GMPS: variants seen among roughly 807,000 people sequenced by gnomAD.
The protein encoded by GMPS is GMP synthase [glutamine-hydrolyzing].
Under a neutral mutation model 77.9 loss-of-function variants are expected in GMPS, and 15 were observed. That is an observed-to-expected ratio of 0.19 (90% CI 0.13 to 0.30). GMPS has a LOEUF of 0.30. Ranked by LOEUF, GMPS falls within the 10% of genes least tolerant of loss-of-function variation. The pLI is 1.00. For synonymous variants in GMPS, 224 were observed against 275.9 expected (o/e 0.81, Z 1.86); for missense variants, 590 against 838.8 (o/e 0.70, Z 3.66).
chr3:155,874,930 CAG>C (rs1169600056), intron 1 of GMPS, among the ~76,000 whole-genome samples: 1 of 104,802 alleles, frequency 9.5e-6, no homozygotes, highest in African/African-American at 3.7e-5. Flanking sequence ...TTTTTTGAGA[CAG>C]AGTCTGGCTC....
rs777386196 is a variant in GMPS, at chr3:155,938,756, T to C, written c.*1064T>C. On this transcript the variant is annotated 3_prime_UTR_variant, in exon 16 of 16. Coordinates refer to ENST00000496455, the MANE Select transcript of GMPS (RefSeq NM_003875.3). The stretch of plus-strand genomic sequence containing the variant: ...TACATGCAAGATGTTTGCCAAACTT[T>C]GTAATCCTTTCTACTAGCTATAAGA... 4.8e-6 allele frequency: 1 copy of C among 208,194 alleles called. No homozygotes were observed. Among genetic ancestry groups the C allele is most frequent in the Non-Finnish European group, 9.8e-6 (1 of 102,080 alleles). 12.9% of individuals were successfully genotyped at this position (208,194 alleles called of 1,614,324 possible).
chr3:155,889,799 T>C (rs1038195454), intron 1 of GMPS, among the ~76,000 whole-genome samples: 3 of 152,246 alleles, frequency 2.0e-5, no homozygotes, highest in Non-Finnish European at 4.4e-5. Context: ...TCTTAAAATA[T>C]ATCTATGAAT....
intron 12 of GMPS, among the ~76,000 whole-genome samples, chr3:155,929,481 C>A (rs1156763352): frequency 2.0e-5 from 3 of 149,750 alleles, no homozygotes; most frequent in Non-Finnish European, 4.5e-5. Flanking sequence ...TCTCACCACT[C>A]CTATTCAACA....
chr3:155,906,516 A>G (rs1241931546), intron 5 of GMPS, among the ~76,000 whole-genome samples: 4 of 152,242 alleles, frequency 2.6e-5, no homozygotes, highest in African/African-American at 9.6e-5. Context: ...TCATCCTAAT[A>G]TAAGCTTTTC....
chr3:155,876,997 A>G (rs1357504075), intron 1 of GMPS, among the ~76,000 whole-genome samples: 1 of 152,156 alleles, frequency 6.6e-6, no homozygotes, highest in East Asian at 1.9e-4. Context: ...CCCGTTTGTC[A>G]CTGGAAAAAC....
intron 1 of GMPS, among the ~76,000 whole-genome samples, chr3:155,871,734 AG>A (rs1462017047): frequency 2.6e-5 from 4 of 152,198 alleles, no homozygotes; most frequent in African/African-American, 7.2e-5. Context: ...AGCTCGCCCG[AG>A]GCCTGGGCAG....
intron 5 of GMPS, among the ~76,000 whole-genome samples, chr3:155,908,865 A>G (rs1754961457): frequency 6.6e-6 from 1 of 152,178 alleles, no homozygotes; most frequent in Non-Finnish European, 1.5e-5. Flanking sequence ...GGAGGTATAA[A>G]TTTGGGGGTT....
In GMPS at chr3:155,870,892, T is replaced by C; in HGVS notation, c.22T>C (p.Ser8Pro). Residue 8 changes from serine to proline, a missense_variant, in exon 1 of 16, where the codon TCC becomes CCC. This residue lies in a region of GMPS where 47 missense variants were observed against 45.5 expected (regional missense o/e 1.03). Transcript: ENST00000496455. MALCNGD[S>P]KLENAGGDLK... The stretch of plus-strand genomic sequence containing the variant: ...CCCGATGGCTCTGTGCAACGGAGAC[T>C]CCAAGGTCAGCGTGGGGGTCCCTGC... 7 of 1,503,674 alleles carry C rather than the reference T, an allele frequency of 4.7e-6. No individual in the cohort carries two copies. Among genetic ancestry groups the C allele is most frequent in the Non-Finnish European group, 5.3e-6 (6 of 1,129,652 alleles). The allele number at this position is 1,503,674 out of a possible 1,614,324, so 93.1% of individuals were successfully genotyped here. A position where few individuals can be genotyped will look rare whatever the true frequency, so the allele number is the denominator to read the frequency against.
chr3:155,917,545 C>T (rs1372489324), intron 9 of GMPS, among the ~76,000 whole-genome samples: 1 of 152,124 alleles, frequency 6.6e-6, no homozygotes, highest in Non-Finnish European at 1.5e-5. Context: ...CCTTAAGGTT[C>T]ATTCATGTTG....
chr3:155,926,169 G>T (rs902977751), intron 12 of GMPS, among the ~76,000 whole-genome samples: 3 of 151,996 alleles, frequency 2.0e-5, no homozygotes, highest in African/African-American at 7.3e-5. Context: ...GCACCATCAT[G>T]CCTGGCTAAT....
At chr3:155,921,874 A>C (rs1359838924) in intron 10 of GMPS, among the ~76,000 whole-genome samples, 1 of 152,228 alleles carries the variant, frequency 6.6e-6, no homozygotes, top group African/African-American at 2.4e-5. Context: ...CTATGATAGT[A>C]TTACCCTGTT....
In GMPS at chr3:155,942,867, A is replaced by G; in HGVS notation, c.*5175A>G. The G allele has an allele frequency of 9.7e-6, 2 of 207,052 alleles. No individual in the cohort carries two copies. The highest frequency in any genetic ancestry group is 2.0e-5 in the Non-Finnish European group (2 of 101,482). 12.8% of individuals were successfully genotyped at this position (207,052 alleles called of 1,614,324 possible). The stretch of plus-strand genomic sequence containing the variant: ...TGGGTATTATTCTTTAGAGAACTAG[A>G]GATTACCTAGCTGCAACCTAAGTTT... On this transcript the variant is annotated 3_prime_UTR_variant, in exon 16 of 16. Coordinates refer to ENST00000496455, the MANE Select transcript of GMPS (RefSeq NM_003875.3).
intron 3 of GMPS, among the ~76,000 whole-genome samples, chr3:155,900,721 T>G (rs1754715235): frequency 6.6e-6 from 1 of 152,130 alleles, no homozygotes; most frequent in African/African-American, 2.4e-5. Flanking sequence ...GCATAACAAT[T>G]TTTGCCTTTA....
intron 1 of GMPS, among the ~76,000 whole-genome samples, chr3:155,886,568 C>CAAAA (rs371278045): frequency 0.037 from 1,617 of 44,044 alleles, 47 homozygotes; most frequent in East Asian, 0.17. Flanking sequence ...GAGTCCATCT[C>CAAAA]AAAAAAAAAA....
At position 155,936,209 on chromosome 3, in the gene GMPS, A is replaced by ATTTG. The variant is rs1755762266; in HGVS notation, c.1808-128_1808-127insTTGT. On this transcript the variant is annotated intron_variant, in intron 14 of 15. Coordinates refer to ENST00000496455, the MANE Select transcript of GMPS (RefSeq NM_003875.3). ...CTCTGCGAGTAGCTGAAATCAATGC[A>ATTTG]TGATGACAGTCTTAACTACGCTGTG... is the stretch of plus-strand genomic sequence containing the variant. The ATTTG allele has an allele frequency of 4.8e-6, 3 of 628,286 alleles. No homozygotes were observed. The East Asian group carries it at 8.0e-5, about 17-fold the overall frequency. The allele number at this position is 628,286 out of a possible 1,614,324, so 38.9% of individuals were successfully genotyped here.
chr3:155,897,062 T>G (rs1337253876), intron 2 of GMPS, among the ~76,000 whole-genome samples: 1 of 152,170 alleles, frequency 6.6e-6, no homozygotes. Context: ...CAAGCCACTT[T>G]ATGATTCCAA....
rs1237362447 is a variant in GMPS, at chr3:155,943,575, AAGT to A, written c.*5888_*5890del. ...AAAGAAATATTTTGTTAATTGGAGT[AAGT>A]AGTATTGTTATGAAATCACTGTGTA... On this transcript the variant is annotated 3_prime_UTR_variant, in exon 16 of 16. Transcript: ENST00000496455. 2.8e-5 allele frequency: 5 copies of A among 178,936 alleles called. No individual in the cohort carries two copies. Among genetic ancestry groups the A allele is most frequent in the African/African-American group, 9.5e-5 (4 of 42,294 alleles). 11.1% of individuals were successfully genotyped at this position (178,936 alleles called of 1,614,324 possible).
At chr3:155,903,835 A>T (rs982743614) in intron 3 of GMPS, 28 bp from the exon 4 acceptor site, 1 of 926,506 alleles carries the variant, frequency 1.1e-6, no homozygotes, top group African/African-American at 1.7e-5. Context: ...TTTGATTTCT[A>T]TTAACATTAA....
chr3:155,917,653 A>T (rs1383081967), intron 9 of GMPS, among the ~76,000 whole-genome samples: 1 of 151,992 alleles, frequency 6.6e-6, no homozygotes, highest in Non-Finnish European at 1.5e-5. Flanking sequence ...CGGGTGGATC[A>T]CCTGGGGTCG....
Sources: allele counts gnomAD v4.1 joint callset (sites outside exome capture counted in the v4.1 genomes callset), GRCh38; gene constraint gnomAD v4.1.1; regional missense constraint gnomAD v4.1.1; transcripts MANE v1.5; gene names NCBI Gene and HGNC (gene_info 2026-07-23, HGNC 2026-07-21).